CHD1: variants seen among roughly 807,000 people sequenced by gnomAD.
CHD1 encodes chromodomain helicase DNA binding protein 1.
In CHD1, 36 loss-of-function variants were observed where a neutral mutation model predicts 224.2. The ratio of observed to expected loss-of-function variants is 0.16; its 90% CI spans 0.12 to 0.21. CHD1 has a LOEUF of 0.21. Ranked by LOEUF, CHD1 falls within the 10% of genes least tolerant of loss-of-function variation. The pLI, the probability that CHD1 is intolerant of heterozygous loss-of-function variation, is 1.00. For missense variants in CHD1, 1,378 were observed against 1,994.8 expected (o/e 0.69, Z 5.89); for synonymous variants, 668 against 658.3 (o/e 1.01, Z -0.23).
intron 7 of CHD1, among the ~76,000 whole-genome samples, chr5:98,900,470 C>G (rs1310208966): frequency 7.2e-6 from 1 of 138,710 alleles, no homozygotes; most frequent in African/African-American, 2.7e-5. Flanking sequence ...GATGGAGTTT[C>G]GCTCTGTCAC....
At chr5:98,922,293 T>G (rs574847230) in intron 2 of CHD1, among the ~76,000 whole-genome samples, 3 of 152,296 alleles carry the variant, frequency 2.0e-5, no homozygotes, top group Admixed American at 1.3e-4. Context: ...AAGCTTAACT[T>G]CAGTTACATA....
intron 1 of CHD1, among the ~76,000 whole-genome samples, 180 bp from the exon 2 acceptor site, chr5:98,926,714 TAACTAG>T (rs2112682629): frequency 6.6e-6 from 1 of 152,276 alleles, no homozygotes; most frequent in African/African-American, 2.4e-5. Context: ...TCCTGACTGC[TAACTAG>T]AATTTAGTAT....
intron 11 of CHD1, 85 bp from the exon 12 acceptor site, chr5:98,896,527 T>C (rs1751352814): frequency 1.1e-6 from 1 of 876,150 alleles, no homozygotes; most frequent in East Asian, 2.6e-5. Context: ...TATGTTTTTA[T>C]GAAGTTAAAT....
chr5:98,919,053 A>G (rs911910263), intron 2 of CHD1, among the ~76,000 whole-genome samples: 2 of 152,222 alleles, frequency 1.3e-5, no homozygotes, highest in East Asian at 1.9e-4. Flanking sequence ...AAGTTAATGT[A>G]TAACTTTACA....
rs563299845 is a variant in CHD1, at chr5:98,917,109, AC to A, written c.53+9224del. Reference sequence around the variant, plus strand: ...AATGGCCCCATGCCTTGACATAAAAACTTTTGATCCTAGGACTCATTAGCTT... The same window carrying A: ...AATGGCCCCATGCCTTGACATAAAAATTTTGATCCTAGGACTCATTAGCTT... On this transcript the variant is annotated intron_variant, in intron 2 of 35. Coordinates refer to ENST00000614616, the MANE Select transcript of CHD1 (RefSeq NM_001270.4). Among the ~76,000 whole-genome samples the A allele has an allele frequency of 2.1e-4, 32 of 152,192 alleles. No individual in the cohort carries two copies. The South Asian group carries it at 6.4e-3, about 31-fold the overall frequency.
At chr5:98,892,783 T>C in intron 14 of CHD1, 70 bp from the exon 15 acceptor site, 1 of 993,348 alleles carries the variant, frequency 1.0e-6, no homozygotes. Flanking sequence ...ATGAACTTTT[T>C]TTTTTAGGGG....
Position 98,912,934 on chromosome 5 carries a change from A to G in CHD1, c.54-7836T>C, listed in dbSNP as rs1393218500. Among the ~76,000 whole-genome samples the G allele has an allele frequency of 7.9e-5, 12 of 152,276 alleles. No individual in the cohort carries two copies. The East Asian group carries it at 2.1e-3, about 27-fold the overall frequency. ...CCTACTTTTTCTTTCCTTTATTTTTAACCTGTTAACAGTGATTAGCTGAAT... is the reference window on the plus strand; with the variant it reads ...CCTACTTTTTCTTTCCTTTATTTTTGACCTGTTAACAGTGATTAGCTGAAT... On this transcript the variant is annotated intron_variant, in intron 2 of 35. Transcript: ENST00000614616.
chr5:98,903,015 C>A, intron 4 of CHD1, 51 bp from the exon 5 acceptor site: 1 of 1,141,816 alleles, frequency 8.8e-7, no homozygotes, highest in South Asian at 1.4e-5. Flanking sequence ...TAGAATTTAA[C>A]CATATTAAAT....
chr5:98,868,704 T>G, intron 30 of CHD1, 69 bp from the exon 31 acceptor site: 1 of 1,348,714 alleles, frequency 7.4e-7, no homozygotes, highest in Non-Finnish European at 1.0e-6. Context: ...GACTAACACT[T>G]CCAGAAAATA....
intron 2 of CHD1, 62 bp downstream of exon 2, chr5:98,926,271 AG>A: frequency 3.0e-6 from 3 of 1,013,064 alleles, no homozygotes; most frequent in Non-Finnish European, 4.4e-6. Flanking sequence ...ATAACAATAA[AG>A]AAAAAAGTCA....
At position 98,892,507 on chromosome 5, in the gene CHD1, G is replaced by A. The variant is rs1253443609; in HGVS notation, c.2180+18C>T. Reference sequence around the variant, plus strand: ...TTCAGAATTAGAAGTTCAGAACTGTGTTCTGTGTACAGCTTACTTGTAATA... The same window carrying A: ...TTCAGAATTAGAAGTTCAGAACTGTATTCTGTGTACAGCTTACTTGTAATA... On this transcript the variant is annotated intron_variant, in intron 15 of 35. Transcript: ENST00000614616. 1.9e-6 allele frequency: 3 copies of A among 1,587,560 alleles called. No individual in the cohort carries two copies. The highest frequency in any genetic ancestry group is 2.6e-6 in the Non-Finnish European group (3 of 1,161,502).
At chr5:98,870,641 C>T (rs1316088842) in intron 29 of CHD1, 46 bp downstream of exon 29, 2 of 1,098,490 alleles carry the variant, frequency 1.8e-6, no homozygotes, top group East Asian at 2.5e-5. Flanking sequence ...CAAAATTTAC[C>T]TTACTAAAAA....
In CHD1 at chr5:98,876,485, G is replaced by A. The variant is rs1749767848; in HGVS notation, c.3311C>T (p.Ser1104Leu). Residue 1104 changes from serine (S) to leucine (L), a missense_variant, in exon 24 of 36, where the codon TCA becomes TTA. Physicochemically the swap from Ser to Leu is moderately radical, Grantham distance 145. Around this residue, in one of 16 missense-constraint regions of CHD1, gnomAD observed 286 missense variants for 445.1 expected, o/e 0.64. Coordinates refer to ENST00000614616, the MANE Select transcript of CHD1 (RefSeq NM_001270.4). Reference protein sequence around the residue: ...RYSGSDSDSISEGKRPKKRGR... With the variant: ...RYSGSDSDSILEGKRPKKRGR... ...ACGTTTCTTTGGCCTTTTCCCTTCT[G>A]AGATGGAATCACTATCAGATCCAGA... 1 of 1,613,842 alleles carries A rather than the reference G, an allele frequency of 6.2e-7. No individual in the cohort carries two copies. The highest frequency in any genetic ancestry group is 1.3e-5 in the African/African-American group (1 of 74,906).
chr5:98,913,865 T>C (rs1561542657), intron 2 of CHD1, among the ~76,000 whole-genome samples: 2 of 152,070 alleles, frequency 1.3e-5, no homozygotes, highest in African/African-American at 4.8e-5. Flanking sequence ...CGAATATATA[T>C]GGAGAACTGA....
rs117076829 is a variant in CHD1 at position 98,908,136 on chromosome 5, T to C, written c.54-3038A>G. 6.4e-4 allele frequency among the ~76,000 whole-genome samples: 97 copies of C among 152,328 alleles called. 2 individuals are homozygous for C. The East Asian group carries it at 0.017, about 27-fold the overall frequency. On this transcript the variant is annotated intron_variant, in intron 2 of 35. Transcript: ENST00000614616. ...GATCTCTCTCTAATTCTCCAATCTA[T>C]TTTCAACTAGTTGCTCACTTAAATC...
chr5:98,902,686 TAAAG>T (rs543700684), intron 5 of CHD1, among the ~76,000 whole-genome samples: 36 of 152,154 alleles, frequency 2.4e-4, no homozygotes, highest in Non-Finnish European at 3.2e-4. Context: ...TTACAGGAGA[TAAAG>T]AAATGGCATA....
Position 98,897,325 on chromosome 5 carries a change from A to C in CHD1, c.1366-5T>G, listed in dbSNP as rs1408087839. 6.4e-7 allele frequency: 1 copy of C among 1,574,072 alleles called. No homozygotes were observed. Among genetic ancestry groups the C allele is most frequent in the East Asian group, 2.2e-5 (1 of 44,510 alleles). On this transcript the variant is annotated splice_region_variant and splice_polypyrimidine_tract_variant and intron_variant, in intron 10 of 35. Transcript: ENST00000614616. Reference sequence around the variant, plus strand: ...CCTTGGCCTTTGTTTTAATACCTTTAGTAGAAATAAACATTATTATGTAGA... The same window carrying C: ...CCTTGGCCTTTGTTTTAATACCTTTCGTAGAAATAAACATTATTATGTAGA...
At chr5:98,908,111 G>T (rs1752165083) in intron 2 of CHD1, among the ~76,000 whole-genome samples, 1 of 152,014 alleles carries the variant, frequency 6.6e-6, no homozygotes, top group Non-Finnish European at 1.5e-5. Context: ...GACCTTTCAG[G>T]ATCTCTCTCT....
intron 13 of CHD1, 27 bp downstream of exon 13, chr5:98,894,570 C>G (rs375012339): frequency 5.8e-5 from 55 of 943,930 alleles, no homozygotes; most frequent in Non-Finnish European, 8.4e-5. Flanking sequence ...TACAAGAGAC[C>G]AAAACACGTG....
Sources: gnomAD v4.1 joint callset for allele counts (sites outside exome capture counted in the v4.1 genomes callset) on GRCh38, gnomAD v4.1.1 for gene constraint, gnomAD v4.1.1 regional missense constraint, MANE v1.5 for transcripts, NCBI Gene and HGNC (gene_info 2026-07-23, HGNC 2026-07-21) for gene names.